The following SLC9A4 variants were observed in gnomAD, a reference collection of about 807,000 sequenced individuals.
The protein encoded by SLC9A4 is solute carrier family 9 member A4.
In SLC9A4, 63 loss-of-function variants were observed where a neutral mutation model predicts 67.4. The observed-to-expected ratio is 0.93, with a 90% CI of 0.76 to 1.15. SLC9A4 has a LOEUF of 1.15. Ranked by LOEUF, SLC9A4 falls within the 50% of genes most tolerant of loss-of-function variation. The pLI is 0.00. For missense variants in SLC9A4, 1,089 were observed against 987.7 expected, an observed-to-expected ratio of 1.10 and a Z score of -1.38; for synonymous variants, 393 against 367.2, an observed-to-expected ratio of 1.07 and a Z score of -0.80.
intron 1 of SLC9A4, among the ~76,000 whole-genome samples, chr2:102,478,583 T>C (rs1008619599): frequency 1.3e-5 from 2 of 152,042 alleles, no homozygotes; most frequent in African/African-American, 4.8e-5. Flanking sequence ...CCCTGTAAGA[T>C]AGGAAAGCAG....
intron 3 of SLC9A4, among the ~76,000 whole-genome samples, chr2:102,504,400 C>A (rs955460753): frequency 6.6e-6 from 1 of 152,214 alleles, no homozygotes; most frequent in African/African-American, 2.4e-5. Flanking sequence ...GCCCCTCAAA[C>A]CACATCACAC....
intron 11 of SLC9A4, among the ~76,000 whole-genome samples, chr2:102,531,035 C>G (rs937415218): frequency 1.4e-4 from 21 of 147,756 alleles, no homozygotes; most frequent in Admixed American, 2.0e-4. Flanking sequence ...ACATGGCTTT[C>G]AGATTTAAAT....
intron 8 of SLC9A4, 67 bp from the exon 9 acceptor site, chr2:102,519,792 A>G: frequency 6.8e-7 from 1 of 1,470,714 alleles, no homozygotes. Context: ...AGGCCCACTG[A>G]TAGTTTTGTG....
At position 102,520,051 on chromosome 2, in the gene SLC9A4, G is replaced by A. The variant is rs1292644153; in HGVS notation, c.1818+96G>A. ...GATGTTCAAGTCTCCTGATGTTCAC[G>A]TCACCCTCTGTAAGGTGGTAACTTG... On this transcript the variant is annotated intron_variant, in intron 9 of 11. Coordinates refer to ENST00000295269, the MANE Select transcript of SLC9A4 (RefSeq NM_001011552.4). 1.4e-5 allele frequency: 13 copies of A among 960,784 alleles called. No homozygotes were observed. The East Asian group carries it at 2.0e-4, about 15-fold the overall frequency. The allele number at this position is 960,784 out of a possible 1,614,324, so 59.5% of individuals were successfully genotyped here.
intron 2 of SLC9A4, among the ~76,000 whole-genome samples, chr2:102,498,574 G>A (rs1684857946): frequency 6.6e-6 from 1 of 152,176 alleles, no homozygotes; most frequent in Admixed American, 6.5e-5. Flanking sequence ...GGATTGTGGG[G>A]AGTGTGTGAC....
chr2:102,489,944 T>C (rs1684662603), intron 2 of SLC9A4, among the ~76,000 whole-genome samples: 1 of 152,216 alleles, frequency 6.6e-6, no homozygotes, highest in African/African-American at 2.4e-5. Flanking sequence ...AGCTCCTTAA[T>C]ACAAGCTAGA....
intron 2 of SLC9A4, among the ~76,000 whole-genome samples, chr2:102,481,358 C>T (rs1321893136): frequency 6.6e-6 from 1 of 152,128 alleles, no homozygotes; most frequent in African/African-American, 2.4e-5. Flanking sequence ...AAGGATTTCT[C>T]ATGTTTGTTT....
chr2:102,482,625 C>T (rs1684489591), intron 2 of SLC9A4, among the ~76,000 whole-genome samples: 1 of 152,128 alleles, frequency 6.6e-6, no homozygotes, highest in Non-Finnish European at 1.5e-5. Flanking sequence ...CAGAGATAAC[C>T]TTCTTTCACT....
intron 2 of SLC9A4, among the ~76,000 whole-genome samples, chr2:102,482,688 A>T (rs548441010): frequency 7.8e-4 from 119 of 152,226 alleles, no homozygotes; most frequent in Admixed American, 1.7e-3. Context: ...CACTACTGAC[A>T]ATGTCCTGGA....
intron 11 of SLC9A4, among the ~76,000 whole-genome samples, chr2:102,531,153 C>A (rs372472100): frequency 1.3e-5 from 2 of 149,170 alleles, no homozygotes; most frequent in African/African-American, 5.0e-5. Flanking sequence ...AGCTCTGCCT[C>A]CCAGGTTCAC....
intron 11 of SLC9A4, among the ~76,000 whole-genome samples, chr2:102,528,629 G>T (rs530775914): frequency 6.6e-6 from 1 of 152,216 alleles, no homozygotes; most frequent in South Asian, 2.1e-4. Flanking sequence ...GATGACCACG[G>T]AGCAGATTCA....
chr2:102,477,715 A>G (rs1438707816), intron 1 of SLC9A4, among the ~76,000 whole-genome samples: 1 of 152,178 alleles, frequency 6.6e-6, no homozygotes, highest in Non-Finnish European at 1.5e-5. Flanking sequence ...GAAAAGGACA[A>G]TCCAAGCAGT....
rs191836945 is a variant in SLC9A4 at position 102,531,498 on chromosome 2, C to T, written c.2039-832C>T. Among the ~76,000 whole-genome samples, 6 of 152,224 alleles carry T rather than the reference C, an allele frequency of 3.9e-5. No individual in the cohort carries two copies. In the East Asian group the frequency reaches 1.2e-3, roughly 29 times the overall value. On this transcript the variant is annotated intron_variant, in intron 11 of 11. Transcript: ENST00000295269. ...CTTACACGTGGATACACCAAGGAGA[C>T]AGCAAGGAGACCTGATGGTAAGAAG...
intron 2 of SLC9A4, among the ~76,000 whole-genome samples, chr2:102,491,372 C>T (rs1684696944): frequency 8.3e-6 from 1 of 120,556 alleles, no homozygotes; most frequent in Non-Finnish European, 1.6e-5. Flanking sequence ...GAAGAAATAC[C>T]CGAGACTGGG....
chr2:102,479,231 GA>G lies in SLC9A4; in HGVS notation c.651del (p.Ala218ArgfsTer3), dbSNP rs1181216805. ...DPVAVLAVFE[E>X]ARVNEQLYMM... ...AGTGGCCGTGCTAGCCGTGTTTGAG[GA>G]AGCGCGCGTGAACGAGCAGCTCTAC... On this transcript the variant is annotated frameshift_variant, in exon 2 of 12. Coordinates refer to ENST00000295269, the MANE Select transcript of SLC9A4 (RefSeq NM_001011552.4). LOFTEE classifies it high-confidence loss of function. The G allele has an allele frequency of 1.2e-6, 2 of 1,614,180 alleles. No individual in the cohort carries two copies. Among genetic ancestry groups the G allele is most frequent in the Non-Finnish European group, 1.7e-6 (2 of 1,180,034 alleles).
intron 2 of SLC9A4, 39 bp downstream of exon 2, chr2:102,479,341 G>A (rs746446414): frequency 4.5e-6 from 7 of 1,556,118 alleles, no homozygotes; most frequent in Non-Finnish European, 5.2e-6. Flanking sequence ...CGGGGGAGAT[G>A]AGGGTTCGGG....
At chr2:102,515,935 G>A (rs2104442497) in intron 8 of SLC9A4, among the ~76,000 whole-genome samples, 1 of 152,238 alleles carries the variant, frequency 6.6e-6, no homozygotes, top group Middle Eastern at 3.4e-3. Flanking sequence ...TCTATGAGAG[G>A]TGCACCTCAC....
intron 8 of SLC9A4, among the ~76,000 whole-genome samples, chr2:102,515,232 A>G (rs556977658): frequency 6.2e-4 from 94 of 151,934 alleles, no homozygotes; most frequent in Non-Finnish European, 9.7e-4. Flanking sequence ...AGAAGAGCTA[A>G]GAATAGGTAG....
chr2:102,514,072 G>C lies in SLC9A4; in HGVS notation c.1560-18G>C, dbSNP rs1685223250. On this transcript the variant is annotated intron_variant, in intron 7 of 11. Coordinates refer to ENST00000295269, the MANE Select transcript of SLC9A4 (RefSeq NM_001011552.4). ...TACAGACGTTCAAGATTTCCAAAAT[G>C]TTGGTTTTCATTTTTAGGTTTAAGA... 6.2e-7 allele frequency: 1 copy of C among 1,607,854 alleles called. No individual in the cohort carries two copies. Among genetic ancestry groups the C allele is most frequent in the African/African-American group, 1.3e-5 (1 of 74,406 alleles).
Sources: gnomAD v4.1 joint callset for allele counts (sites outside exome capture counted in the v4.1 genomes callset) on GRCh38, gnomAD v4.1.1 for gene constraint, MANE v1.5 for transcripts, NCBI Gene and HGNC (gene_info 2026-07-23, HGNC 2026-07-21) for gene names.